The following ARMC9 variants were observed in gnomAD, a reference collection of about 807,000 sequenced individuals.
ARMC9 encodes the protein lisH domain-containing protein ARMC9.
In ARMC9, 94 loss-of-function variants were observed where a neutral mutation model predicts 107.0. The ratio of observed to expected loss-of-function variants is 0.88; its 90% CI spans 0.74 to 1.04. The LOEUF is 1.04. Ranked by LOEUF, ARMC9 falls within the 50% of genes least tolerant of loss-of-function variation. ARMC9 has a pLI of 0.00. For synonymous variants in ARMC9, 380 were observed against 396.9 expected (o/e 0.96, Z 0.51); for missense variants, 942 against 1,030.1 (o/e 0.91, Z 1.17).
At chr2:231,285,956 C>T (rs1292427681) in intron 17 of ARMC9, among the ~76,000 whole-genome samples, 2 of 152,192 alleles carry the variant, frequency 1.3e-5, no homozygotes, top group Admixed American at 1.3e-4. Flanking sequence ...TGTATGCCTG[C>T]ACCCTAGCTG....
intron 1 of ARMC9, among the ~76,000 whole-genome samples, chr2:231,204,182 A>G (rs1193655005): frequency 6.6e-6 from 1 of 150,518 alleles, no homozygotes; most frequent in Non-Finnish European, 1.5e-5. Flanking sequence ...TCAGGAAAAA[A>G]AAAAAAAAAA....
At chr2:231,331,347 C>CT (rs1393784585) in intron 19 of ARMC9, among the ~76,000 whole-genome samples, 1 of 152,152 alleles carries the variant, frequency 6.6e-6, no homozygotes, top group Non-Finnish European at 1.5e-5. Flanking sequence ...CGGTGCTGCC[C>CT]TTTTTGCTGA....
intron 20 of ARMC9, among the ~76,000 whole-genome samples, chr2:231,342,667 G>A (rs1475159324): frequency 6.6e-6 from 1 of 152,218 alleles, no homozygotes; most frequent in African/African-American, 2.4e-5. Context: ...GATCGGGGAA[G>A]TGGGGTGGAA....
At chr2:231,270,627 A>C (rs2039241125) in intron 12 of ARMC9, 1 of 490,836 alleles carries the variant, frequency 2.0e-6, no homozygotes, top group Admixed American at 2.3e-5. Context: ...TTGTAGTTTT[A>C]CTGTGGCTTA....
chr2:231,271,004 A>G lies in ARMC9; in HGVS notation c.1142A>G (p.His381Arg), dbSNP rs753679017. The G allele has an allele frequency of 1.2e-6, 2 of 1,613,976 alleles. No individual in the cohort carries two copies. The highest frequency in any genetic ancestry group is 1.7e-5 in the Admixed American group (1 of 60,006). Residue 381 changes from histidine (H) to arginine (R), a missense_variant, in exon 13 of 25, where the codon CAC becomes CGC. Transcript: ENST00000611582. ...HNQRSVLQLL[H>R]STSDVVRQYM... ...CAGAGGAGTGTGCTTCAGTTGCTGC[A>G]CTCCACGAGCGACGTGGTGCGGCAG...
In ARMC9 at chr2:231,358,263, T is replaced by C. The variant is rs1434560640; in HGVS notation, c.2131+2329T>C. Among the ~76,000 whole-genome samples the C allele has an allele frequency of 6.6e-6, 1 of 152,178 alleles. No individual in the cohort carries two copies. The highest frequency in any genetic ancestry group is 1.5e-5 in the Non-Finnish European group (1 of 68,018). On this transcript the variant is annotated intron_variant, in intron 22 of 24. Coordinates refer to ENST00000611582, the MANE Select transcript of ARMC9 (RefSeq NM_001352754.2). The surrounding 1 kb of genome is among the most constrained non-coding windows in gnomAD (Gnocchi z 4.5). ...GGGCATGGGCACCCCTGAGCCATGTTGCCTTCTGCTTCATTCCTTCCCTGC... is the reference window on the plus strand; with the variant it reads ...GGGCATGGGCACCCCTGAGCCATGTCGCCTTCTGCTTCATTCCTTCCCTGC...
intron 7 of ARMC9, among the ~76,000 whole-genome samples, chr2:231,231,718 T>G (rs537481187): frequency 6.7e-6 from 1 of 149,958 alleles, no homozygotes; most frequent in Non-Finnish European, 1.5e-5. Context: ...AGATGAAGTC[T>G]GGCTTTGTCG....
chr2:231,359,533 C>T (rs1017508421), intron 22 of ARMC9, among the ~76,000 whole-genome samples: 3 of 152,084 alleles, frequency 2.0e-5, no homozygotes, highest in Admixed American at 6.5e-5. Flanking sequence ...ATGACCACCC[C>T]GTCCCCTACG....
chr2:231,363,666 A>G (rs953813773), intron 23 of ARMC9, among the ~76,000 whole-genome samples: 2 of 152,044 alleles, frequency 1.3e-5, no homozygotes, highest in African/African-American at 4.8e-5. Flanking sequence ...GCGGGCGGAC[A>G]ACGAGGTCAA....
In ARMC9 at chr2:231,370,034, G is replaced by A; in HGVS notation, c.2343G>A (p.Lys781=). ...TGGACTGGAACCCACCCAAGGCAAAGGCGTCAGTTCTGGCCCCTCTGTTCT... is the reference window on the plus strand; with the variant it reads ...TGGACTGGAACCCACCCAAGGCAAAAGCGTCAGTTCTGGCCCCTCTGTTCT... ...EMLDWNPPKA[K]ASVLAPLFSS... The change falls in exon 24 of 25, where the codon AAG becomes AAA. Residue 781 remains lysine, a synonymous_variant. Coordinates refer to ENST00000611582, the MANE Select transcript of ARMC9 (RefSeq NM_001352754.2). The A allele has an allele frequency of 6.5e-7, 1 of 1,535,878 alleles. No homozygotes were observed. The highest frequency in any genetic ancestry group is 1.2e-5 in the South Asian group (1 of 84,020).
At chr2:231,364,708 G>T (rs1369841113) in intron 23 of ARMC9, among the ~76,000 whole-genome samples, 1 of 151,872 alleles carries the variant, frequency 6.6e-6, no homozygotes, top group Non-Finnish European at 1.5e-5. Flanking sequence ...TGAGGCAGGA[G>T]AATCATTTGA....
At position 231,235,340 on chromosome 2, in the gene ARMC9, G is replaced by T; in HGVS notation, c.739G>T (p.Glu247Ter). 1.2e-6 allele frequency: 2 copies of T among 1,614,214 alleles called. No homozygotes were observed. Among genetic ancestry groups the T allele is most frequent in the Non-Finnish European group, 1.7e-6 (2 of 1,180,036 alleles). ...DYHNLIGVTA[E>*]LVDSLEATVS... ...CCACAATCTCATTGGAGTCACAGCA[G>T]AGCTGGTGGATTCTCTAGAGGCCAC... The change falls in exon 8 of 25, where the codon GAG becomes TAG. Residue 247 changes from glutamate to a stop codon, truncating the protein, a stop_gained. Transcript: ENST00000611582. LOFTEE classifies it high-confidence loss of function.
chr2:231,366,188 C>T (rs2125597789), intron 23 of ARMC9, among the ~76,000 whole-genome samples: 1 of 152,308 alleles, frequency 6.6e-6, no homozygotes, highest in South Asian at 2.1e-4. Context: ...CATCAGTTGG[C>T]AGAACCCCTT....
intron 11 of ARMC9, among the ~76,000 whole-genome samples, chr2:231,260,046 C>A (rs1023038227): frequency 1.3e-5 from 2 of 152,176 alleles, no homozygotes; most frequent in African/African-American, 2.4e-5. Context: ...TTTATTAATT[C>A]ATTTAAAATG....
At chr2:231,369,440 C>G (rs2045932461) in intron 23 of ARMC9, among the ~76,000 whole-genome samples, 1 of 151,992 alleles carries the variant, frequency 6.6e-6, no homozygotes, top group South Asian at 2.1e-4. Context: ...CTACAGGCAT[C>G]TGCCACCATG....
intron 14 of ARMC9, among the ~76,000 whole-genome samples, chr2:231,276,340 G>A (rs1049826748): frequency 3.3e-5 from 5 of 150,618 alleles, no homozygotes; most frequent in African/African-American, 9.8e-5. Context: ...GTACGATCTC[G>A]GCTCACTGCA....
intron 21 of ARMC9, among the ~76,000 whole-genome samples, chr2:231,355,137 G>A (rs1311309479): frequency 2.0e-5 from 3 of 152,278 alleles, no homozygotes; most frequent in East Asian, 1.9e-4. Flanking sequence ...CCAGGAGTTC[G>A]AGACCAGTCC....
intron 19 of ARMC9, among the ~76,000 whole-genome samples, chr2:231,330,672 A>C (rs2043669368): frequency 6.6e-6 from 1 of 152,176 alleles, no homozygotes; most frequent in South Asian, 2.1e-4. Context: ...TGGTGAGGGT[A>C]CAGCTGGGGC....
At chr2:231,324,123 CTTTTT>C (rs71296842) in intron 19 of ARMC9, among the ~76,000 whole-genome samples, 6 of 89,272 alleles carry the variant, frequency 6.7e-5, no homozygotes, top group African/African-American at 2.3e-4. Context: ...TTGTAAAGTA[CTTTTT>C]TTTTTTTTTT....
Sources: gnomAD v4.1 joint callset for allele counts (sites outside exome capture counted in the v4.1 genomes callset) on GRCh38, gnomAD v4.1.1 for gene constraint, Gnocchi (gnomAD v3.1) non-coding constraint, MANE v1.5 for transcripts, NCBI Gene and HGNC (gene_info 2026-07-23, HGNC 2026-07-21) for gene names.